PPFIA2: variants seen among roughly 807,000 people sequenced by gnomAD.
The protein encoded by PPFIA2 is PPFI scaffold protein A2.
Under a neutral mutation model 175.5 loss-of-function variants are expected in PPFIA2, and 46 were observed. The ratio of observed to expected loss-of-function variants is 0.26; its 90% CI spans 0.21 to 0.34. The LOEUF (loss-of-function observed/expected upper bound fraction) is 0.34. PPFIA2 is among the 10% of genes least tolerant of loss of function. The pLI is 1.00. For missense variants in PPFIA2, 1,179 were observed against 1,506.1 expected (o/e 0.78, Z 3.60); for synonymous variants, 568 against 511.4 (o/e 1.11, Z -1.49).
intron 8 of PPFIA2, among the ~76,000 whole-genome samples, chr12:81,387,511 C>T (rs1304850642): frequency 1.3e-5 from 2 of 151,942 alleles, no homozygotes; most frequent in Non-Finnish European, 2.9e-5. Context: ...ATAACCTAAA[C>T]AATGTGAGAG....
Position 81,608,407 on chromosome 12 carries a change from G to T in PPFIA2, c.303+68384C>A, listed in dbSNP as rs931611023. 1.6e-4 allele frequency among the ~76,000 whole-genome samples: 25 copies of T among 152,194 alleles called. No homozygotes were observed. In the East Asian group the frequency reaches 4.8e-3, roughly 29 times the overall value. Reference sequence around the variant, plus strand: ...TTTATAGATCTGGTAAAATTCAGCTGTGAATCCATCTGGTCCAGGGCTTTT... The same window carrying T: ...TTTATAGATCTGGTAAAATTCAGCTTTGAATCCATCTGGTCCAGGGCTTTT... On this transcript the variant is annotated intron_variant, in intron 4 of 32. Coordinates refer to ENST00000549396, the MANE Select transcript of PPFIA2 (RefSeq NM_003625.5).
intron 29 of PPFIA2, 41 bp from the exon 30 acceptor site, chr12:81,267,061 T>C: frequency 7.1e-7 from 1 of 1,415,106 alleles, no homozygotes; most frequent in South Asian, 1.2e-5. Flanking sequence ...CGAAATCACA[T>C]TTTATTTTAA....
At chr12:81,753,886 G>T (rs17748279) in intron 3 of PPFIA2, 87 bp downstream of exon 3, 65,836 of 1,486,326 alleles carry the variant, frequency 0.044, 1,624 homozygotes, top group African/African-American at 0.08. Context: ...ATGTTAAGTG[G>T]AAAAGTAACA....
At chr12:81,473,451 T>C (rs1338441179) in intron 4 of PPFIA2, among the ~76,000 whole-genome samples, 2 of 152,106 alleles carry the variant, frequency 1.3e-5, no homozygotes, top group Admixed American at 6.6e-5. Context: ...GCAAAATATA[T>C]AACTGGGTAT....
intron 22 of PPFIA2, among the ~76,000 whole-genome samples, chr12:81,318,994 GATAA>G (rs2053066123): frequency 6.6e-6 from 1 of 151,642 alleles, no homozygotes; most frequent in Admixed American, 6.6e-5. Flanking sequence ...CATCAATTAA[GATAA>G]ATAAGAATTT....
At position 81,344,656 on chromosome 12, in the gene PPFIA2, T is replaced by C. The variant is rs970239016; in HGVS notation, c.2262+8A>G. The C allele has an allele frequency of 8.4e-6, 13 of 1,549,292 alleles. No individual in the cohort carries two copies. Among genetic ancestry groups the C allele is most frequent in the Non-Finnish European group, 1.1e-5 (12 of 1,140,028 alleles). ...AATTCGTAATGATGTAAAAGTTATT[T>C]ACTGTACCTTTCTCCGATGTTTCCT... On this transcript the variant is annotated splice_region_variant and intron_variant, in intron 19 of 32. Transcript: ENST00000549396.
At chr12:81,404,652 C>T (rs191146852) in intron 8 of PPFIA2, among the ~76,000 whole-genome samples, 13 of 152,228 alleles carry the variant, frequency 8.5e-5, no homozygotes, top group South Asian at 2.1e-4. Context: ...AGGCTAAATT[C>T]GTGGTCTTAT....
At chr12:81,350,959 T>A (rs2059903597) in intron 17 of PPFIA2, among the ~76,000 whole-genome samples, 1 of 152,116 alleles carries the variant, frequency 6.6e-6, no homozygotes, top group Non-Finnish European at 1.5e-5. Context: ...AAAAAACAAG[T>A]TAAGAATGGT....
At chr12:81,662,894 C>A (rs1002241274) in intron 4 of PPFIA2, among the ~76,000 whole-genome samples, 1 of 152,162 alleles carries the variant, frequency 6.6e-6, no homozygotes, top group East Asian at 1.9e-4. Context: ...AAGGCTGGTT[C>A]AACATATGCA....
At chr12:81,297,485 A>T (rs2046772309) in intron 23 of PPFIA2, among the ~76,000 whole-genome samples, 1 of 152,204 alleles carries the variant, frequency 6.6e-6, no homozygotes, top group South Asian at 2.1e-4. Context: ...GAAGGGGAAG[A>T]TCTAAGTACA....
chr12:81,377,059 CAT>C (rs2036534754), intron 9 of PPFIA2, among the ~76,000 whole-genome samples: 1 of 151,102 alleles, frequency 6.6e-6, no homozygotes, highest in African/African-American at 2.4e-5. Flanking sequence ...AATAGCAAGA[CAT>C]AAATTTTGTT....
chr12:81,475,140 C>G (rs893029052), intron 4 of PPFIA2, among the ~76,000 whole-genome samples: 1 of 152,140 alleles, frequency 6.6e-6, no homozygotes, highest in African/African-American at 2.4e-5. Context: ...TTCTGTCATA[C>G]AAACCTCTGT....
chr12:81,308,402 C>A (rs2049885074), intron 22 of PPFIA2, among the ~76,000 whole-genome samples: 1 of 152,092 alleles, frequency 6.6e-6, no homozygotes, highest in Non-Finnish European at 1.5e-5. Flanking sequence ...GATGAGAACA[C>A]CGAAGAACAG....
chr12:81,306,529 GT>G (rs1409295452), intron 22 of PPFIA2, among the ~76,000 whole-genome samples: 1 of 132,660 alleles, frequency 7.5e-6, no homozygotes, highest in Non-Finnish European at 1.6e-5. Flanking sequence ...TTGTTTGTTT[GT>G]TTGTTTCGTT....
At chr12:81,267,612 C>T (rs1313313653) in intron 29 of PPFIA2, among the ~76,000 whole-genome samples, 3 of 152,060 alleles carry the variant, frequency 2.0e-5, no homozygotes, top group Non-Finnish European at 2.9e-5. Context: ...ATGACTGCCT[C>T]TCAGAGAGGC....
intron 26 of PPFIA2, among the ~76,000 whole-genome samples, chr12:81,281,672 A>T (rs2137006041): frequency 6.6e-6 from 1 of 152,216 alleles, no homozygotes; most frequent in South Asian, 2.1e-4. Context: ...TTTACTTTGT[A>T]TTCTCAAAAG....
chr12:81,341,973 T>C lies in PPFIA2; in HGVS notation c.2263-765A>G, dbSNP rs114230162. On this transcript the variant is annotated intron_variant, in intron 19 of 32. Coordinates refer to ENST00000549396, the MANE Select transcript of PPFIA2 (RefSeq NM_003625.5). ...TACAGGGTATTTAAAATATGAGTTG[T>C]GGTTTGTAAGAAAAAAATCTCTTTT... Among the ~76,000 whole-genome samples the C allele has an allele frequency of 3.4e-3, 520 of 152,184 alleles. 2 individuals carry two copies. The highest frequency in any genetic ancestry group is 0.012 in the African/African-American group (505 of 41,556).
intron 3 of PPFIA2, among the ~76,000 whole-genome samples, chr12:81,728,809 T>C (rs1378767724): frequency 2.6e-5 from 4 of 151,050 alleles, no homozygotes; most frequent in Non-Finnish European, 5.9e-5. Context: ...AGAAAAAGAG[T>C]AAACTTATTT....
At chr12:81,544,549 C>T (rs2066700503) in intron 4 of PPFIA2, among the ~76,000 whole-genome samples, 1 of 152,068 alleles carries the variant, frequency 6.6e-6, no homozygotes, top group South Asian at 2.1e-4. Context: ...TCTGACTGTA[C>T]CTAATTTGAT....
Sources: allele counts gnomAD v4.1 joint callset (sites outside exome capture counted in the v4.1 genomes callset), GRCh38; gene constraint gnomAD v4.1.1; transcripts MANE v1.5; gene names NCBI Gene and HGNC (gene_info 2026-07-23, HGNC 2026-07-21).